ARHGAP22: variants seen among roughly 807,000 people sequenced by gnomAD.
ARHGAP22 encodes the protein rho GTPase-activating protein 22.
A neutral mutation model predicts 59.1 loss-of-function variants in ARHGAP22; 48 were observed. That is an observed-to-expected ratio of 0.81 (90% CI 0.64 to 1.03). ARHGAP22 has a LOEUF of 1.03. Ranked by LOEUF, ARHGAP22 falls within the 50% of genes least tolerant of loss-of-function variation. The pLI is 0.00. For synonymous variants in ARHGAP22, 445 were observed against 416.4 expected (o/e 1.07, Z -0.84); for missense variants, 1,015 against 958.7 (o/e 1.06, Z -0.78).
At chr10:48,572,132 A>G (rs2058433414) in intron 2 of ARHGAP22, among the ~76,000 whole-genome samples, 1 of 152,208 alleles carries the variant, frequency 6.6e-6, no homozygotes, top group Non-Finnish European at 1.5e-5. Context: ...TGATCACACA[A>G]CTGACTTTAT....
chr10:48,552,050 T>C (rs1195327076), intron 3 of ARHGAP22, among the ~76,000 whole-genome samples: 7 of 152,284 alleles, frequency 4.6e-5, no homozygotes, highest in Non-Finnish European at 7.3e-5. Flanking sequence ...ACTCACAGTA[T>C]AATGTTTCCT....
intron 1 of ARHGAP22, among the ~76,000 whole-genome samples, chr10:48,594,799 T>C (rs1159432449): frequency 2.0e-5 from 3 of 152,168 alleles, no homozygotes; most frequent in African/African-American, 4.8e-5. Context: ...CACTCTTCAG[T>C]TGGGGGCTCA....
At chr10:48,610,176 G>C (rs1827368920) in intron 1 of ARHGAP22, among the ~76,000 whole-genome samples, 1 of 152,178 alleles carries the variant, frequency 6.6e-6, no homozygotes, top group Non-Finnish European at 1.5e-5. Flanking sequence ...CCCACACCCT[G>C]CAGTCCATGG....
Position 48,453,420 on chromosome 10 carries a change from A to T in ARHGAP22, c.872T>A (p.Leu291Gln). ...ATTTGAGTATGCCTGAACTTCATCC[A>T]GAAACCTGCAAAGTAAGGAAGCAGC... ...YNLLRYICKF[L>Q]DEVQAYSNVN... The change falls in exon 8 of 10, where the codon CTG (leucine) becomes CAG (glutamine). Residue 291 changes from leucine (L) to glutamine (Q), a missense_variant. Coordinates refer to ENST00000249601, the MANE Select transcript of ARHGAP22 (RefSeq NM_021226.4). 1 of 1,613,802 alleles carries T rather than the reference A, an allele frequency of 6.2e-7. No homozygotes were observed. Among genetic ancestry groups the T allele is most frequent in the South Asian group, 1.1e-5 (1 of 91,076 alleles).
chr10:48,472,226 A>T (rs1238180729), intron 4 of ARHGAP22, among the ~76,000 whole-genome samples: 1 of 150,914 alleles, frequency 6.6e-6, no homozygotes, highest in Non-Finnish European at 1.5e-5. Context: ...AAAAAAAAGA[A>T]AAAAAGAGTA....
chr10:48,633,527 C>A (rs1458526799), intron 1 of ARHGAP22, among the ~76,000 whole-genome samples: 2 of 152,208 alleles, frequency 1.3e-5, no homozygotes, highest in African/African-American at 4.8e-5. Flanking sequence ...GACATGTAAT[C>A]CTTATTACAG....
chr10:48,615,652 G>A (rs2061051379), intron 1 of ARHGAP22, among the ~76,000 whole-genome samples: 1 of 152,034 alleles, frequency 6.6e-6, no homozygotes, highest in Admixed American at 6.5e-5. Flanking sequence ...GTCCATAATG[G>A]AGCTCAGATA....
chr10:48,455,409 CCT>C (rs1554850161), intron 5 of ARHGAP22, among the ~76,000 whole-genome samples: 2 of 152,220 alleles, frequency 1.3e-5, no homozygotes, highest in East Asian at 3.9e-4. Context: ...GCTCAGAATC[CCT>C]GAGTCTCATG....
intron 3 of ARHGAP22, among the ~76,000 whole-genome samples, chr10:48,527,865 C>T (rs888395040): frequency 6.6e-6 from 1 of 152,210 alleles, no homozygotes; most frequent in Non-Finnish European, 1.5e-5. Flanking sequence ...GACATGTTTC[C>T]CAGCAGGAAG....
chr10:48,648,273 T>A (rs1463578213), intron 1 of ARHGAP22, among the ~76,000 whole-genome samples: 1 of 152,124 alleles, frequency 6.6e-6, no homozygotes, highest in Non-Finnish European at 1.5e-5. Flanking sequence ...GAAAGGAGTA[T>A]GGGAAGGCAG....
chr10:48,626,984 C>G (rs1410333309), intron 1 of ARHGAP22, among the ~76,000 whole-genome samples: 3 of 152,138 alleles, frequency 2.0e-5, no homozygotes, highest in Non-Finnish European at 2.9e-5. Context: ...TCACCAATGA[C>G]CAATGATTTG....
chr10:48,618,868 A>C (rs1589193969), intron 1 of ARHGAP22, among the ~76,000 whole-genome samples: 6 of 152,128 alleles, frequency 3.9e-5, no homozygotes, highest in Admixed American at 3.9e-4. Flanking sequence ...TAAATTGAGA[A>C]AGATGTAAAG....
At chr10:48,556,480 A>G (rs1264663049) in intron 2 of ARHGAP22, 2 of 152,114 alleles carry the variant, frequency 1.3e-5, no homozygotes, top group Non-Finnish European at 2.9e-5. Flanking sequence ...GTTTTGCTCA[A>G]CTCAGACTTG....
intron 5 of ARHGAP22, 45 bp from the exon 6 acceptor site, chr10:48,455,179 G>A: frequency 6.4e-7 from 1 of 1,555,638 alleles, no homozygotes; most frequent in South Asian, 1.2e-5. Context: ...GGGATGCCAG[G>A]GGACTTCAGG....
chr10:48,605,987 T>C (rs1181260453), upstream of ARHGAP22, among the ~76,000 whole-genome samples: 2 of 152,180 alleles, frequency 1.3e-5, no homozygotes, highest in African/African-American at 2.4e-5. Flanking sequence ...AGCTCCTGGC[T>C]TGAGCCCCCG....
intron 3 of ARHGAP22, 74 bp downstream of exon 3, chr10:48,555,389 G>A: frequency 7.1e-7 from 1 of 1,417,962 alleles, no homozygotes; most frequent in Admixed American, 1.7e-5. Context: ...TGTCACGAAG[G>A]TCTGCCCTTC....
intron 3 of ARHGAP22, among the ~76,000 whole-genome samples, chr10:48,509,564 C>A (rs1285730541): frequency 1.3e-5 from 2 of 152,250 alleles, no homozygotes; most frequent in African/African-American, 2.4e-5. Flanking sequence ...CCAGCCAGGA[C>A]AATGGGGCCT....
intron 3 of ARHGAP22, among the ~76,000 whole-genome samples, chr10:48,549,253 G>A (rs1299854638): frequency 6.6e-6 from 1 of 152,232 alleles, no homozygotes; most frequent in Non-Finnish European, 1.5e-5. Flanking sequence ...TATTGAGATG[G>A]AGGGAAGGGG....
At chr10:48,541,670 TG>T (rs1357312174) in intron 3 of ARHGAP22, among the ~76,000 whole-genome samples, 1 of 152,188 alleles carries the variant, frequency 6.6e-6, no homozygotes, top group African/African-American at 2.4e-5. Context: ...AGAGAGAGGC[TG>T]GGCCAGTGCA....
Sources: gnomAD v4.1 joint callset for allele counts (sites outside exome capture counted in the v4.1 genomes callset) on GRCh38, gnomAD v4.1.1 for gene constraint, MANE v1.5 for transcripts, NCBI Gene and HGNC (gene_info 2026-07-23, HGNC 2026-07-21) for gene names.